The following LRBA variants were observed in gnomAD, a reference collection of about 807,000 sequenced individuals.
LRBA encodes the protein LPS responsive beige-like anchor protein.
A neutral mutation model predicts 330.0 loss-of-function variants in LRBA; 176 were observed. That is an observed-to-expected ratio of 0.53 (90% CI 0.47 to 0.60). The LOEUF (loss-of-function observed/expected upper bound fraction) is 0.60. Ranked by LOEUF, LRBA falls within the 20% of genes least tolerant of loss-of-function variation. The pLI, the probability that LRBA is intolerant of heterozygous loss-of-function variation, is 0.00. For missense variants in LRBA, 3,259 were observed against 3,444.8 expected (o/e 0.95, Z 1.35); for synonymous variants, 1,230 against 1,193.0 (o/e 1.03, Z -0.64).
chr4:150,470,298 C>T (rs1755937326), intron 43 of LRBA, among the ~76,000 whole-genome samples: 1 of 152,172 alleles, frequency 6.6e-6, no homozygotes, highest in Admixed American at 6.5e-5. Context: ...AAATGCCTTC[C>T]TCCCTCTTTC....
chr4:150,598,629 A>C (rs572775389), intron 38 of LRBA, among the ~76,000 whole-genome samples: 1 of 152,254 alleles, frequency 6.6e-6, no homozygotes, highest in South Asian at 2.1e-4. Context: ...ATGTATACAC[A>C]ACAGAACCTA....
intron 2 of LRBA, among the ~76,000 whole-genome samples, chr4:150,945,115 A>T (rs1302149655): frequency 2.0e-5 from 3 of 152,226 alleles, no homozygotes; most frequent in Non-Finnish European, 2.9e-5. Flanking sequence ...TACAACTGGA[A>T]AGTTCTTTTT....
chr4:150,566,517 G>A (rs1478401769), intron 40 of LRBA, among the ~76,000 whole-genome samples: 1 of 151,902 alleles, frequency 6.6e-6, no homozygotes, highest in African/African-American at 2.4e-5. Context: ...ACTTGTTTTA[G>A]GACTGTAGCA....
intron 47 of LRBA, among the ~76,000 whole-genome samples, chr4:150,360,728 A>G (rs777469038): frequency 6.6e-6 from 1 of 152,256 alleles, no homozygotes; most frequent in Non-Finnish European, 1.5e-5. Context: ...AGAGGCCATT[A>G]CAATTCTCAG....
chr4:150,724,797 C>CA (rs1422647531), intron 36 of LRBA, among the ~76,000 whole-genome samples: 1 of 150,126 alleles, frequency 6.7e-6, no homozygotes, highest in African/African-American at 2.5e-5. Context: ...GTTGATATCC[C>CA]ACCACTGCAC....
intron 2 of LRBA, among the ~76,000 whole-genome samples, chr4:150,969,093 A>C (rs2149582317): frequency 6.6e-6 from 1 of 152,348 alleles, no homozygotes; most frequent in East Asian, 1.9e-4. Context: ...ATTTCCTTTC[A>C]AAATATTATT....
intron 37 of LRBA, among the ~76,000 whole-genome samples, chr4:150,681,161 A>G (rs1783024298): frequency 1.3e-5 from 2 of 152,230 alleles, no homozygotes; most frequent in Non-Finnish European, 2.9e-5. Flanking sequence ...TAGCATAGTT[A>G]AATGCATTAC....
In LRBA at chr4:150,914,080, A is replaced by G. The variant is rs1195664319; in HGVS notation, c.1161+115T>C. The G allele has an allele frequency of 2.8e-5, 20 of 723,214 alleles. No individual in the cohort carries two copies. In the East Asian group the frequency reaches 4.6e-4, roughly 17 times the overall value. The allele number at this position is 723,214 out of a possible 1,614,324, so 44.8% of individuals were successfully genotyped here. A position where few individuals can be genotyped will look rare whatever the true frequency, so the allele number is the denominator to read the frequency against. ...TCACCCTGCTGTGGTATCAAATAGT[A>G]GGTCTCATTTTTCTTTTTTTTTTTT... On this transcript the variant is annotated intron_variant, in intron 9 of 56. Coordinates refer to ENST00000651943, the MANE Select transcript of LRBA (RefSeq NM_001364905.1).
chr4:150,389,694 A>AAAAAAAAAAAAC (rs1375537289), intron 47 of LRBA, among the ~76,000 whole-genome samples: 1 of 150,744 alleles, frequency 6.6e-6, no homozygotes, highest in African/African-American at 2.4e-5. Context: ...AAAAAAAAAA[A>AAAAAAAAAAAAC]AAAGAAAGGA....
intron 2 of LRBA, among the ~76,000 whole-genome samples, chr4:150,960,224 T>C (rs1579325019): frequency 6.7e-6 from 1 of 149,006 alleles, no homozygotes; most frequent in Non-Finnish European, 1.5e-5. Flanking sequence ...CTGATAACAT[T>C]ATAAAAAGAG....
intron 39 of LRBA, among the ~76,000 whole-genome samples, chr4:150,589,616 G>A (rs1427662356): frequency 6.6e-6 from 1 of 152,098 alleles, no homozygotes; most frequent in Non-Finnish European, 1.5e-5. Flanking sequence ...CAAGAGCTAG[G>A]GCAGCCTAGG....
chr4:150,387,195 T>C lies in LRBA; in HGVS notation c.7194+28243A>G, dbSNP rs534985399. Among the ~76,000 whole-genome samples the C allele has an allele frequency of 2.6e-5, 4 of 152,230 alleles. 1 individual carries two copies. In the South Asian group the frequency reaches 8.3e-4, roughly 32 times the overall value. ...ATAGATTGCAAAAATTTTCCCCCAT[T>C]CCATAGGTTGTCTGTTCACTCTGTG... On this transcript the variant is annotated intron_variant, in intron 47 of 56. Coordinates refer to ENST00000651943, the MANE Select transcript of LRBA (RefSeq NM_001364905.1).
chr4:150,358,512 G>A (rs1274445338), intron 47 of LRBA, among the ~76,000 whole-genome samples: 1 of 151,870 alleles, frequency 6.6e-6, no homozygotes, highest in African/African-American at 2.4e-5. Flanking sequence ...GTTTAAAACA[G>A]GTATACTAGA....
chr4:150,517,187 G>T (rs1762440675), intron 40 of LRBA, among the ~76,000 whole-genome samples: 3 of 152,102 alleles, frequency 2.0e-5, no homozygotes, highest in African/African-American at 7.2e-5. Context: ...ATATGAAAAT[G>T]AAGAAAAACA....
At chr4:150,443,208 C>CA (rs1420143666) in intron 44 of LRBA, among the ~76,000 whole-genome samples, 1 of 152,068 alleles carries the variant, frequency 6.6e-6, no homozygotes, top group African/African-American at 2.4e-5. Context: ...TGCTGTGCTG[C>CA]AGAGGATGTA....
At position 150,680,990 on chromosome 4, in the gene LRBA, T is replaced by TA. The variant is rs200831537; in HGVS notation, c.5921+2560dup. 9.8e-3 allele frequency among the ~76,000 whole-genome samples: 1,485 copies of TA among 151,966 alleles called. 14 individuals carry two copies. The highest frequency in any genetic ancestry group is 0.028 in the African/African-American group (1,179 of 41,448). On this transcript the variant is annotated intron_variant, in intron 37 of 56. Transcript: ENST00000651943. ...CGTGGATTCCAAAGGAGGGTCAAAA[T>TA]AAAAAAAATGCCACAAATGAAATTT... is the stretch of plus-strand genomic sequence containing the variant.
In LRBA at chr4:150,310,271, C is replaced by A; in HGVS notation, c.7807G>T (p.Gly2603Cys). The stretch of plus-strand genomic sequence containing the variant: ...ACTCTGAAACTTTTATCCCAGAAGC[C>A]ACAGACGAGAATATAGCGGTTGTCT... Reference protein sequence around the residue: ...TSDNRYILVCGFWDKSFRVYS... With the variant: ...TSDNRYILVCCFWDKSFRVYS... Residue 2603 changes from glycine to cysteine, a missense_variant, in exon 52 of 57, where the codon GGC becomes TGC. By Grantham distance (159) the Gly-to-Cys change is radical. Transcript: ENST00000651943. The A allele has an allele frequency of 6.2e-7, 1 of 1,612,774 alleles. No homozygotes were observed. The highest frequency in any genetic ancestry group is 1.1e-5 in the South Asian group (1 of 90,996).
intron 2 of LRBA, among the ~76,000 whole-genome samples, chr4:150,960,549 A>G (rs1332528393): frequency 2.7e-5 from 4 of 149,194 alleles, no homozygotes; most frequent in African/African-American, 1.0e-4. Context: ...ATTAGATTAC[A>G]TAATTACAAA....
intron 47 of LRBA, among the ~76,000 whole-genome samples, chr4:150,359,849 G>A (rs112327791): frequency 7.2e-5 from 11 of 151,904 alleles, no homozygotes; most frequent in South Asian, 4.2e-4. Flanking sequence ...GCGTGGTGGC[G>A]CGCATCTGTA....
Sources: gnomAD v4.1 joint callset for allele counts (sites outside exome capture counted in the v4.1 genomes callset) on GRCh38, gnomAD v4.1.1 for gene constraint, MANE v1.5 for transcripts, NCBI Gene and HGNC (gene_info 2026-07-23, HGNC 2026-07-21) for gene names.